ILDR2: variants seen among roughly 807,000 people sequenced by gnomAD.
ILDR2 encodes the protein immunoglobulin like domain containing receptor 2, also known as immunoglobulin-like domain-containing receptor 2.
In ILDR2, 25 loss-of-function variants were observed where a neutral mutation model predicts 66.8. The ratio of observed to expected loss-of-function variants is 0.37; its 90% CI spans 0.27 to 0.52. The LOEUF (loss-of-function observed/expected upper bound fraction) is 0.52. Among genes scored for constraint, ILDR2 ranks in the 20% least tolerant of loss-of-function variants. ILDR2 has a pLI of 0.88. For synonymous variants in ILDR2, 367 were observed against 357.2 expected, an observed-to-expected ratio of 1.03 and a Z score of -0.31; for missense variants, 827 against 876.8, an observed-to-expected ratio of 0.94 and a Z score of 0.72.
Position 166,921,399 on chromosome 1 carries a change from G to A in ILDR2, c.1212-20C>T, listed in dbSNP as rs1191515745. On this transcript the variant is annotated intron_variant, in intron 8 of 9. Coordinates refer to ENST00000271417, the MANE Select transcript of ILDR2 (RefSeq NM_199351.3). This position sits in a 1 kb window ranked among gnomAD's most constrained non-coding sequence, Gnocchi z 5.3. ...GGCTGGCTGCGGGCAGAGAAGGAGG[G>A]GGTCAGACGGCCGGTCCCTCCCTGG... The A allele has an allele frequency of 6.5e-7, 1 of 1,530,984 alleles. No homozygotes were observed. Among genetic ancestry groups the A allele is most frequent in the East Asian group, 2.3e-5 (1 of 43,272 alleles). 94.8% of individuals were successfully genotyped at this position (1,530,984 alleles called of 1,614,324 possible).
In ILDR2 at chr1:166,919,202, A is replaced by T; in HGVS notation, c.*153T>A. Reference sequence around the variant, plus strand: ...CAGAGGTTTGAAATCAGCCTCCCTTAAAGGCTGCCTGCCATCCCTTGCCAA... The same window carrying T: ...CAGAGGTTTGAAATCAGCCTCCCTTTAAGGCTGCCTGCCATCCCTTGCCAA... On this transcript the variant is annotated 3_prime_UTR_variant, in exon 10 of 10. Coordinates refer to ENST00000271417, the MANE Select transcript of ILDR2 (RefSeq NM_199351.3). 1 of 690,692 alleles carries T rather than the reference A, an allele frequency of 1.4e-6. No homozygotes were observed. Among genetic ancestry groups the T allele is most frequent in the Non-Finnish European group, 2.6e-6 (1 of 391,808 alleles). The allele number at this position is 690,692 out of a possible 1,614,324, so 42.8% of individuals were successfully genotyped here. A position where few individuals can be genotyped will look rare whatever the true frequency, so the allele number is the denominator to read the frequency against.
chr1:166,940,524 C>G (rs924884576), intron 3 of ILDR2, among the ~76,000 whole-genome samples: 4 of 152,150 alleles, frequency 2.6e-5, no homozygotes, highest in Admixed American at 2.0e-4. Context: ...CACTGTAGCA[C>G]CTAAACACGC....
chr1:166,906,870 A>C (rs1195211736), downstream of ILDR2, among the ~76,000 whole-genome samples: 1 of 152,136 alleles, frequency 6.6e-6, no homozygotes, highest in East Asian at 1.9e-4. Flanking sequence ...CTCACGAATA[A>C]ACTGTGTGAT....
chr1:166,922,534 C>T, intron 8 of ILDR2, 59 bp downstream of exon 8: 1 of 1,412,846 alleles, frequency 7.1e-7, no homozygotes, highest in Admixed American at 1.7e-5. Flanking sequence ...CTCCGATCTA[C>T]CCTGCCTTCC....
chr1:166,941,886 G>C (rs947878363), intron 3 of ILDR2, among the ~76,000 whole-genome samples: 1 of 152,136 alleles, frequency 6.6e-6, no homozygotes, highest in African/African-American at 2.4e-5. Flanking sequence ...AGCAAACCGT[G>C]ATAATTAATT....
downstream of ILDR2, among the ~76,000 whole-genome samples, chr1:166,904,784 C>T (rs1248806175): frequency 1.3e-5 from 2 of 152,152 alleles, no homozygotes; most frequent in Non-Finnish European, 2.9e-5. Flanking sequence ...GGCCAGATCA[C>T]AGGAGTCAGA....
At chr1:166,924,813 G>A (rs187634191) in intron 7 of ILDR2, among the ~76,000 whole-genome samples, 2 of 152,118 alleles carry the variant, frequency 1.3e-5, no homozygotes, top group Non-Finnish European at 2.9e-5. Flanking sequence ...CCAGGAGTTT[G>A]AGACCAGCCT....
chr1:166,952,294 C>T (rs1046665201), intron 3 of ILDR2, among the ~76,000 whole-genome samples: 2 of 152,116 alleles, frequency 1.3e-5, no homozygotes, highest in African/African-American at 4.8e-5. Flanking sequence ...CTAGACACTC[C>T]CATCTTCTGT....
At chr1:166,924,036 C>CAG (rs10622745) in intron 7 of ILDR2, among the ~76,000 whole-genome samples, 121,229 of 151,948 alleles carry the variant, frequency 0.8, 48,696 homozygotes, top group East Asian at 0.86. Flanking sequence ...CTTGGAGGAA[C>CAG]GGGATTTTTG....
At chr1:166,924,563 C>G (rs79730506) in intron 7 of ILDR2, among the ~76,000 whole-genome samples, 1 of 152,184 alleles carries the variant, frequency 6.6e-6, no homozygotes, top group Non-Finnish European at 1.5e-5. Context: ...TAGGGGTAAG[C>G]AAACTTCGTT....
chr1:166,906,334 C>A (rs1659349758), downstream of ILDR2, among the ~76,000 whole-genome samples: 1 of 152,298 alleles, frequency 6.6e-6, no homozygotes, highest in Non-Finnish European at 1.5e-5. Flanking sequence ...GCGAACACTG[C>A]AGAGGAAGCA....
chr1:166,962,818 C>T (rs1352890572), intron 1 of ILDR2, among the ~76,000 whole-genome samples: 1 of 152,162 alleles, frequency 6.6e-6, no homozygotes, highest in Non-Finnish European at 1.5e-5. Context: ...GAATATGTAA[C>T]TATACATTTG....
chr1:166,943,929 TAC>T, intron 3 of ILDR2: 1 of 800,360 alleles, frequency 1.2e-6, no homozygotes, highest in Non-Finnish European at 1.5e-6. Flanking sequence ...CAGAGGAAAA[TAC>T]AGTTTTTATG....
intron 1 of ILDR2, among the ~76,000 whole-genome samples, chr1:166,961,429 T>C (rs1197301455): frequency 6.6e-6 from 1 of 152,020 alleles, no homozygotes; most frequent in Admixed American, 6.6e-5. Context: ...AAACTCATGC[T>C]CCAAAAAAAT....
downstream of ILDR2, among the ~76,000 whole-genome samples, chr1:166,907,540 C>G (rs1557920354): frequency 6.6e-6 from 1 of 152,148 alleles, no homozygotes. Flanking sequence ...TCTCCCCACT[C>G]CACAATCTGT....
Position 166,909,781 on chromosome 1 carries a change from T to TATATATAAATATATATATA in ILDR2, c.*9573_*9574insTATATATATATTTATATAT, listed in dbSNP as rs1557921377. The TATATATAAATATATATATA allele has an allele frequency of 3.1e-5, 2 of 64,244 alleles. No individual in the cohort carries two copies. The highest frequency in any genetic ancestry group is 1.4e-4 in the African/African-American group (2 of 14,426). The allele number at this position is 64,244 out of a possible 1,614,324, so 4.0% of individuals were successfully genotyped here. On this transcript the variant is annotated 3_prime_UTR_variant, in exon 10 of 10. Transcript: ENST00000271417. ...TATAAATATATATAAATATATATAT[T>TATATATAAATATATATATA]TATATATATATATATATATATATAT... is the stretch of plus-strand genomic sequence containing the variant.
At chr1:166,975,157 G>T in intron 1 of ILDR2, 66 bp downstream of exon 1, 2 of 1,323,492 alleles carry the variant, frequency 1.5e-6, no homozygotes, top group Non-Finnish European at 2.2e-6. Flanking sequence ...GGCGGGGGGC[G>T]CGGTGAGAAC....
downstream of ILDR2, among the ~76,000 whole-genome samples, chr1:166,906,480 G>A (rs994120605): frequency 1.3e-5 from 2 of 152,140 alleles, no homozygotes; most frequent in African/African-American, 4.8e-5. Flanking sequence ...AAGGAACAGA[G>A]GTATAGAACA....
In ILDR2 at chr1:166,922,750, A is replaced by G. The variant is rs747038265; in HGVS notation, c.1054T>C (p.Ser352Pro). 1.2e-6 allele frequency: 2 copies of G among 1,614,226 alleles called. No individual in the cohort carries two copies. The highest frequency in any genetic ancestry group is 1.7e-6 in the Non-Finnish European group (2 of 1,180,044). The change falls in exon 8 of 10, where the codon TCT becomes CCT. Residue 352 changes from serine (S) to proline (P), a missense_variant. Ser to Pro is a moderately conservative substitution (Grantham distance 74, BLOSUM62 -1). This residue lies in a region of ILDR2 where 437 missense variants were observed against 523.2 expected (regional missense o/e 0.84). Transcript: ENST00000271417. ...TGCTTGCTTCTCATCTGATGGAAAG[A>G]CTGGCGGAAATTGCTGTCCTCCTCA... ...LHEEDSNFRQ[S>P]FHQMRSKQFP...
Sources: gnomAD v4.1 joint callset for allele counts (sites outside exome capture counted in the v4.1 genomes callset) on GRCh38, gnomAD v4.1.1 for gene constraint, gnomAD v4.1.1 regional missense constraint, Gnocchi (gnomAD v3.1) non-coding constraint, MANE v1.5 for transcripts, NCBI Gene and HGNC (gene_info 2026-07-23, HGNC 2026-07-21) for gene names.